Variants in CAMTA1 observed in about 807,000 individuals in gnomAD.
CAMTA1 encodes calmodulin-binding transcription activator 1.
In CAMTA1, 27 loss-of-function variants were observed where a neutral mutation model predicts 170.9. That is an observed-to-expected ratio of 0.16 (90% CI 0.12 to 0.22). The LOEUF (loss-of-function observed/expected upper bound fraction) is 0.22, where lower values mean the gene tolerates loss of function less well. CAMTA1 is among the 10% of genes least tolerant of loss of function. The pLI, the probability that CAMTA1 is intolerant of heterozygous loss-of-function variation, is 1.00. For synonymous variants in CAMTA1, 833 were observed against 891.5 expected (o/e 0.93, Z 1.17); for missense variants, 1,619 against 2,217.2 (o/e 0.73, Z 5.42).
At chr1:7,141,310 G>C (rs1487749384) in intron 4 of CAMTA1, among the ~76,000 whole-genome samples, 1 of 152,336 alleles carries the variant, frequency 6.6e-6, no homozygotes, top group South Asian at 2.1e-4. Flanking sequence ...TCAGGGTCCT[G>C]CTCCTGTCCC....
At position 6,887,879 on chromosome 1, in the gene CAMTA1, A is replaced by G; in HGVS notation, c.234+62669A>G. 1 of 1,409,084 alleles carries G rather than the reference A, an allele frequency of 7.1e-7. No homozygotes were observed. Among genetic ancestry groups the G allele is most frequent in the East Asian group, 2.7e-5 (1 of 37,588 alleles). The allele number at this position is 1,409,084 out of a possible 1,614,324, so 87.3% of individuals were successfully genotyped here. A position where few individuals can be genotyped will look rare whatever the true frequency, so the allele number is the denominator to read the frequency against. ...ATGTTACTAAAAATGAAATAGAATA[A>G]AGTGACCTACTCTTGCCTCATCCGG... On this transcript the variant is annotated intron_variant, in intron 3 of 22. Transcript: ENST00000303635. The surrounding 1 kb of genome is among the most constrained non-coding windows in gnomAD (Gnocchi z 4.1).
At chr1:7,122,084 G>A (rs1644677308) in intron 4 of CAMTA1, among the ~76,000 whole-genome samples, 1 of 152,058 alleles carries the variant, frequency 6.6e-6, no homozygotes, top group South Asian at 2.1e-4. Flanking sequence ...AGGCCATGGA[G>A]TGTTCTGGGC....
In CAMTA1 at chr1:7,633,437, G is replaced by A. The variant is rs755162166; in HGVS notation, c.511-6963G>A. ...ATGCCACCCCTCCTGGGCCCCTTCT[G>A]GGGGAGTGGACCCCCTCCTCTTCCA... is the stretch of plus-strand genomic sequence containing the variant. On this transcript the variant is annotated intron_variant, in intron 6 of 22. Transcript: ENST00000303635. The surrounding 1 kb of genome is among the most constrained non-coding windows in gnomAD (Gnocchi z 4.1). Among the ~76,000 whole-genome samples the A allele has an allele frequency of 1.6e-4, 24 of 152,164 alleles. No homozygotes were observed. The highest frequency in any genetic ancestry group is 3.4e-4 in the Non-Finnish European group (23 of 68,018).
At chr1:6,931,154 C>T (rs993035431) in intron 3 of CAMTA1, among the ~76,000 whole-genome samples, 2 of 152,190 alleles carry the variant, frequency 1.3e-5, no homozygotes, top group African/African-American at 4.8e-5. Context: ...CTGAGGGAAG[C>T]AAGAGGGTGT....
At chr1:7,305,281 A>T (rs1033129906) in intron 5 of CAMTA1, among the ~76,000 whole-genome samples, 3 of 152,062 alleles carry the variant, frequency 2.0e-5, no homozygotes, top group African/African-American at 7.2e-5. Context: ...TTTCATATTC[A>T]TGAAGGAAGT....
chr1:7,358,666 T>C (rs1386889940), intron 5 of CAMTA1, among the ~76,000 whole-genome samples: 2 of 152,194 alleles, frequency 1.3e-5, no homozygotes, highest in Non-Finnish European at 2.9e-5. Flanking sequence ...AATATAGATA[T>C]ATTTTCCTTT....
intron 3 of CAMTA1, among the ~76,000 whole-genome samples, chr1:6,936,986 TA>T (rs201417649): frequency 0.016 from 2,454 of 150,798 alleles, 24 homozygotes; most frequent in South Asian, 0.03. Flanking sequence ...AGACTCTGTT[TA>T]AAAAAAAAGA....
chr1:7,582,680 G>A (rs2095271587), intron 6 of CAMTA1, among the ~76,000 whole-genome samples: 1 of 152,100 alleles, frequency 6.6e-6, no homozygotes, highest in African/African-American at 2.4e-5. Context: ...ACAAAGGAGA[G>A]AGGCACAGCC....
chr1:6,801,789 T>C (rs1232588427), intron 1 of CAMTA1, among the ~76,000 whole-genome samples: 1 of 151,730 alleles, frequency 6.6e-6, no homozygotes, highest in Non-Finnish European at 1.5e-5. Context: ...GGCTGTGCCT[T>C]AAATAAACTG....
rs772147911 is a variant in CAMTA1 at position 7,050,144 on chromosome 1, C to T, written c.235-41160C>T. On this transcript the variant is annotated intron_variant, in intron 3 of 22. Coordinates refer to ENST00000303635, the MANE Select transcript of CAMTA1 (RefSeq NM_015215.4). This position sits in a 1 kb window ranked among gnomAD's most constrained non-coding sequence, Gnocchi z 4.8. ...GAGGCAGGAGCTGGTGGAGAGAGGA[C>T]GTGGAAGGAGGTGAGGCCGGGGAAG... Among the ~76,000 whole-genome samples, 4 of 152,102 alleles carry T rather than the reference C, an allele frequency of 2.6e-5. No individual in the cohort carries two copies. The highest frequency in any genetic ancestry group is 5.9e-5 in the Non-Finnish European group (4 of 68,008).
At chr1:7,619,317 G>C (rs1027456134) in intron 6 of CAMTA1, among the ~76,000 whole-genome samples, 8 of 152,214 alleles carry the variant, frequency 5.3e-5, no homozygotes, top group Non-Finnish European at 1.2e-4. Context: ...TGCAGGGTCA[G>C]CCTATTCAGG....
chr1:7,156,831 C>T (rs1310753251), intron 4 of CAMTA1, among the ~76,000 whole-genome samples: 1 of 152,124 alleles, frequency 6.6e-6, no homozygotes, highest in Non-Finnish European at 1.5e-5. Flanking sequence ...ACTGCTAGCC[C>T]TATTCCTTTC....
intron 1 of CAMTA1, among the ~76,000 whole-genome samples, chr1:6,789,218 A>G (rs1340764183): frequency 1.3e-5 from 2 of 151,164 alleles, no homozygotes; most frequent in African/African-American, 4.9e-5. Flanking sequence ...TGTTGCTCTT[A>G]CTTGCTCTTT....
intron 3 of CAMTA1, among the ~76,000 whole-genome samples, chr1:6,980,653 C>T (rs1375537669): frequency 6.6e-6 from 1 of 152,066 alleles, no homozygotes; most frequent in African/African-American, 2.4e-5. Flanking sequence ...TTCCTGTGCT[C>T]TTCTCATGAT....
At chr1:6,856,507 G>GC (rs1557705862) in intron 3 of CAMTA1, among the ~76,000 whole-genome samples, 1 of 152,010 alleles carries the variant, frequency 6.6e-6, no homozygotes, top group Admixed American at 6.6e-5. Flanking sequence ...GCTCTTTTGT[G>GC]CCAGGCACTA....
intron 19 of CAMTA1, chr1:7,749,852 A>G: frequency 2.2e-6 from 1 of 454,222 alleles, no homozygotes. Context: ...CTTCACACCC[A>G]TCACCAGCTA....
intron 5 of CAMTA1, among the ~76,000 whole-genome samples, chr1:7,271,256 A>C (rs563944224): frequency 6.6e-6 from 1 of 152,304 alleles, no homozygotes; most frequent in South Asian, 2.1e-4. Context: ...CCATGTGAGG[A>C]TGTAACAAGA....
chr1:6,922,803 G>A lies in CAMTA1; in HGVS notation c.234+97593G>A, dbSNP rs545571205. On this transcript the variant is annotated intron_variant, in intron 3 of 22. Coordinates refer to ENST00000303635, the MANE Select transcript of CAMTA1 (RefSeq NM_015215.4). ...CAGACATGTTTTAAAACCACAGTGT[G>A]GATCCAATAGGCTAAGTCCAAAGCG... Among the ~76,000 whole-genome samples, 10 of 151,902 alleles carry A rather than the reference G, an allele frequency of 6.6e-5. No homozygotes were observed. The East Asian group carries it at 1.9e-3, about 29-fold the overall frequency.
chr1:7,240,482 T>G (rs1346312599), intron 4 of CAMTA1, among the ~76,000 whole-genome samples: 2 of 152,080 alleles, frequency 1.3e-5, no homozygotes. Context: ...GTCCCATCTT[T>G]GGTTAGTGGG....
Sources: allele counts gnomAD v4.1 joint callset (sites outside exome capture counted in the v4.1 genomes callset), GRCh38; gene constraint gnomAD v4.1.1; non-coding constraint Gnocchi (gnomAD v3.1); transcripts MANE v1.5; gene names NCBI Gene and HGNC (gene_info 2026-07-23, HGNC 2026-07-21).